Variants in LINGO2 observed in about 807,000 individuals in gnomAD.
LINGO2 encodes leucine-rich repeat and immunoglobulin-like domain-containing nogo receptor-interacting protein 2.
A neutral mutation model predicts 30.6 loss-of-function variants in LINGO2; 14 were observed. The ratio of observed to expected loss-of-function variants is 0.46; its 90% CI spans 0.30 to 0.72. The LOEUF is 0.72. Ranked by LOEUF, LINGO2 falls within the 30% of genes least tolerant of loss-of-function variation. LINGO2 has a pLI of 0.07. For missense variants in LINGO2, 729 were observed against 751.7 expected (o/e 0.97, Z 0.35); for synonymous variants, 317 against 288.5 (o/e 1.10, Z -1.00).
intron 3 of LINGO2, among the ~76,000 whole-genome samples, chr9:28,318,600 A>AT (rs1824927575): frequency 1.3e-5 from 2 of 152,302 alleles, no homozygotes; most frequent in East Asian, 3.9e-4. Context: ...TATAAAAAAA[A>AT]CAGTCTACTT....
chr9:28,880,396 G>A, the LINGO2 span, among the ~76,000 whole-genome samples: 22 of 152,264 alleles, frequency 1.4e-4, no homozygotes, highest in African/African-American at 5.3e-4. Context: ...TAAAATCAAG[G>A]TTTAAGTGAT....
At chr9:28,617,587 GC>G (rs1826196676) in intron 1 of LINGO2, among the ~76,000 whole-genome samples, 1 of 151,942 alleles carries the variant, frequency 6.6e-6, no homozygotes, top group African/African-American at 2.4e-5. Context: ...GAGCCACCGC[GC>G]CCAGACAATA....
At chr9:28,583,225 T>G (rs1381433749) in intron 1 of LINGO2, among the ~76,000 whole-genome samples, 2 of 152,034 alleles carry the variant, frequency 1.3e-5, no homozygotes, top group Non-Finnish European at 2.9e-5. Flanking sequence ...TTGTAATGGC[T>G]GTCCACTATT....
At chr9:28,596,424 T>A (rs903708429) in intron 1 of LINGO2, among the ~76,000 whole-genome samples, 4 of 152,198 alleles carry the variant, frequency 2.6e-5, no homozygotes, top group African/African-American at 9.6e-5. Context: ...GGCTAGTGTT[T>A]CAGTTGGATG....
At chr9:28,877,763 A>G in the LINGO2 span, among the ~76,000 whole-genome samples, 2 of 152,120 alleles carry the variant, frequency 1.3e-5, no homozygotes, top group Admixed American at 6.6e-5. Context: ...AGGAACTTTA[A>G]AGTAGTTTTT....
chr9:28,488,537 T>C (rs1173356909), intron 1 of LINGO2, among the ~76,000 whole-genome samples: 1 of 152,160 alleles, frequency 6.6e-6, no homozygotes, highest in African/African-American at 2.4e-5. Flanking sequence ...CTGCCATTAA[T>C]TGTTTATATA....
At chr9:29,091,108 A>C in the LINGO2 span, among the ~76,000 whole-genome samples, 1 of 152,088 alleles carries the variant, frequency 6.6e-6, no homozygotes, top group South Asian at 2.1e-4. Flanking sequence ...GTTGACATTC[A>C]TGATATTGGT....
chr9:28,887,424 T>C, the LINGO2 span, among the ~76,000 whole-genome samples: 1 of 152,096 alleles, frequency 6.6e-6, no homozygotes, highest in Non-Finnish European at 1.5e-5. Flanking sequence ...TCTCTCCTGA[T>C]TGTACCTGAT....
rs1012147260 is a variant in LINGO2, at chr9:28,129,174, G to C, written c.-86-116769C>G. ...CTTTTGAGGCTTTGGGACTCGGGCT[G>C]ATCTACCACTGGCTTCCTTGCTCCT... On this transcript the variant is annotated intron_variant, in intron 4 of 5. Coordinates refer to ENST00000379992, the Ensembl canonical transcript of LINGO2. The surrounding 1 kb of genome is among the most constrained non-coding windows in gnomAD (Gnocchi z 4.0). 6.6e-6 allele frequency among the ~76,000 whole-genome samples: 1 copy of C among 152,168 alleles called. No homozygotes were observed. Among genetic ancestry groups the C allele is most frequent in the Non-Finnish European group, 1.5e-5 (1 of 68,032 alleles).
At chr9:27,979,411 G>C (rs1451826353) in intron 5 of LINGO2, among the ~76,000 whole-genome samples, 1 of 151,950 alleles carries the variant, frequency 6.6e-6, no homozygotes. Flanking sequence ...CTGGGTCACT[G>C]CTTCACTTGG....
At chr9:29,109,669 G>A in the LINGO2 span, among the ~76,000 whole-genome samples, 42 of 152,206 alleles carry the variant, frequency 2.8e-4, no homozygotes, top group African/African-American at 1.0e-3. Context: ...TGAGCTTGGT[G>A]AATGAGCCTA....
At chr9:28,095,426 C>G (rs1311240698) in intron 4 of LINGO2, among the ~76,000 whole-genome samples, 1 of 152,074 alleles carries the variant, frequency 6.6e-6, no homozygotes, top group African/African-American at 2.4e-5. Flanking sequence ...ACTATCTGAT[C>G]TTTGACAAAC....
At chr9:27,953,898 A>G (rs1206457802) in intron 5 of LINGO2, among the ~76,000 whole-genome samples, 2 of 152,230 alleles carry the variant, frequency 1.3e-5, no homozygotes, top group African/African-American at 4.8e-5. Flanking sequence ...ACATACATGT[A>G]TGAAAGGAGA....
In LINGO2 at chr9:28,148,934, G is replaced by A. The variant is rs1323006854; in HGVS notation, c.-86-136529C>T. ...GTCAAGTAGGTCTTCTCCACACAGAGCTGCCGGCCACAGTTCCCACAAAAG... is the reference window on the plus strand; with the variant it reads ...GTCAAGTAGGTCTTCTCCACACAGAACTGCCGGCCACAGTTCCCACAAAAG... On this transcript the variant is annotated intron_variant, in intron 4 of 5. Coordinates refer to ENST00000379992, the Ensembl canonical transcript of LINGO2. This position sits in a 1 kb window ranked among gnomAD's most constrained non-coding sequence, Gnocchi z 5.1. 1.6e-4 allele frequency: 240 copies of A among 1,533,858 alleles called. No individual in the cohort carries two copies. Among genetic ancestry groups the A allele is most frequent in the Non-Finnish European group, 2.1e-4 (238 of 1,146,682 alleles).
intron 4 of LINGO2, chr9:28,080,466 AT>A (rs1825742697): frequency 6.6e-6 from 1 of 152,148 alleles, no homozygotes; most frequent in South Asian, 2.1e-4. Context: ...CTGATCCCAG[AT>A]TTTTAAATGG....
chr9:28,899,127 A>C, the LINGO2 span, among the ~76,000 whole-genome samples: 1 of 152,330 alleles, frequency 6.6e-6, no homozygotes, highest in Non-Finnish European at 1.5e-5. Context: ...ATATCACAAA[A>C]ATTTTAAAAG....
intron 4 of LINGO2, among the ~76,000 whole-genome samples, chr9:28,029,879 G>C (rs960578481): frequency 2.0e-5 from 3 of 152,148 alleles, no homozygotes; most frequent in Non-Finnish European, 2.9e-5. Flanking sequence ...GTTGGATCAA[G>C]GTTATAGGTC....
At chr9:28,916,895 C>T in the LINGO2 span, among the ~76,000 whole-genome samples, 1 of 152,178 alleles carries the variant, frequency 6.6e-6, no homozygotes, top group African/African-American at 2.4e-5. Context: ...ATATTTTCCT[C>T]AATGTCTAAA....
At chr9:28,582,646 T>C (rs1299451314) in intron 1 of LINGO2, among the ~76,000 whole-genome samples, 1 of 152,058 alleles carries the variant, frequency 6.6e-6, no homozygotes, top group African/African-American at 2.4e-5. Context: ...TAAATACTCC[T>C]GCTTCTGAAA....
Sources: gnomAD v4.1 joint callset for allele counts (sites outside exome capture counted in the v4.1 genomes callset) on GRCh38, gnomAD v4.1.1 for gene constraint, Gnocchi (gnomAD v3.1) non-coding constraint, MANE v1.5 for transcripts, NCBI Gene and HGNC (gene_info 2026-07-23, HGNC 2026-07-21) for gene names.